Variants in INPP4B observed in about 807,000 individuals in gnomAD.
INPP4B encodes the protein inositol polyphosphate 4-phosphatase type II.
In INPP4B, 55 loss-of-function variants were observed where a neutral mutation model predicts 122.5. The observed-to-expected ratio is 0.45, with a 90% confidence interval of 0.36 to 0.56. The LOEUF (loss-of-function observed/expected upper bound fraction) is 0.56. Among genes scored for constraint, INPP4B ranks in the 20% least tolerant of loss-of-function variants. The pLI is 0.00. For missense variants in INPP4B, 1,000 were observed against 1,097.7 expected (o/e 0.91, Z 1.26); for synonymous variants, 403 against 388.7 (o/e 1.04, Z -0.43).
At chr4:142,199,031 A>T (rs1839596870) in intron 14 of INPP4B, among the ~76,000 whole-genome samples, 1 of 152,028 alleles carries the variant, frequency 6.6e-6, no homozygotes, top group Non-Finnish European at 1.5e-5. Flanking sequence ...ATAGTCCTAA[A>T]TTCATATCTT....
In INPP4B at chr4:142,241,230, A is replaced by T. The variant is rs1859227934; in HGVS notation, c.689-3219T>A. 2.0e-5 allele frequency among the ~76,000 whole-genome samples: 3 copies of T among 149,460 alleles called. No individual in the cohort carries two copies. In the South Asian group the frequency reaches 6.4e-4, roughly 32 times the overall value. Reference sequence around the variant, plus strand: ...GAGCCCTGTGTGTATTCTCATCTTCATTTTTTTTTTACTGCTTTTGCCATA... The same window carrying T: ...GAGCCCTGTGTGTATTCTCATCTTCTTTTTTTTTTTACTGCTTTTGCCATA... On this transcript the variant is annotated intron_variant, in intron 11 of 25. Coordinates refer to ENST00000262992, the MANE Select transcript of INPP4B (RefSeq NM_001101669.3).
chr4:142,479,185 T>C (rs1820179470), intron 2 of INPP4B, among the ~76,000 whole-genome samples: 1 of 152,176 alleles, frequency 6.6e-6, no homozygotes, highest in Non-Finnish European at 1.5e-5. Context: ...AAAGAAGTCA[T>C]ACCTGTGGCC....
At chr4:142,260,023 T>C (rs2150374339) in intron 11 of INPP4B, among the ~76,000 whole-genome samples, 1 of 152,306 alleles carries the variant, frequency 6.6e-6, no homozygotes, top group East Asian at 1.9e-4. Context: ...TATCACTCTG[T>C]CTCCAAGCTG....
At chr4:142,697,154 T>C (rs898674979) in intron 2 of INPP4B, among the ~76,000 whole-genome samples, 1 of 152,228 alleles carries the variant, frequency 6.6e-6, no homozygotes, top group Non-Finnish European at 1.5e-5. Flanking sequence ...TTACCTGTTG[T>C]ACAATGCTTC....
intron 17 of INPP4B, among the ~76,000 whole-genome samples, chr4:142,153,445 A>G (rs995659457): frequency 2.0e-5 from 3 of 152,210 alleles, no homozygotes; most frequent in Non-Finnish European, 2.9e-5. Context: ...ACTTGATTTG[A>G]ATGTAATAAT....
chr4:142,364,721 C>G (rs1288698381), intron 7 of INPP4B, among the ~76,000 whole-genome samples: 1 of 152,026 alleles, frequency 6.6e-6, no homozygotes, highest in Non-Finnish European at 1.5e-5. Context: ...GGCACACAAT[C>G]CATGTGTGCC....
chr4:142,594,014 T>C (rs889742889), intron 2 of INPP4B, among the ~76,000 whole-genome samples: 2 of 152,180 alleles, frequency 1.3e-5, no homozygotes, highest in African/African-American at 4.8e-5. Context: ...TAGTATACAT[T>C]TTATTGGTAT....
Position 142,463,237 on chromosome 4 carries a change from T to C in INPP4B, c.-190-511A>G, listed in dbSNP as rs61243037. Among the ~76,000 whole-genome samples the C allele has an allele frequency of 4.4e-3, 677 of 152,322 alleles. 7 individuals are homozygous for C. Among genetic ancestry groups the C allele is most frequent in the African/African-American group, 0.015 (621 of 41,570 alleles). On this transcript the variant is annotated intron_variant, in intron 2 of 25. Coordinates refer to ENST00000262992, the MANE Select transcript of INPP4B (RefSeq NM_001101669.3). ...TATGCTGTTTCAGTTGGATCAGATA[T>C]ATTTATTCTAAAATGTGATTTATGA...
At chr4:142,331,325 G>A (rs1774427294) in intron 7 of INPP4B, among the ~76,000 whole-genome samples, 1 of 152,204 alleles carries the variant, frequency 6.6e-6, no homozygotes, top group African/African-American at 2.4e-5. Flanking sequence ...TCCAGGGACA[G>A]TAGAGCAGGC....
intron 14 of INPP4B, among the ~76,000 whole-genome samples, chr4:142,206,135 A>G (rs1195839237): frequency 6.6e-6 from 1 of 152,144 alleles, no homozygotes; most frequent in Non-Finnish European, 1.5e-5. Flanking sequence ...TTACAAGGCA[A>G]AAGAGCTAAA....
At chr4:142,688,735 C>A (rs1181381956) in intron 2 of INPP4B, among the ~76,000 whole-genome samples, 1 of 152,162 alleles carries the variant, frequency 6.6e-6, no homozygotes, top group Non-Finnish European at 1.5e-5. Flanking sequence ...GTAGGACTAA[C>A]AAATTCGCCA....
chr4:142,742,188 G>C (rs1410078712), intron 1 of INPP4B, among the ~76,000 whole-genome samples: 1 of 151,782 alleles, frequency 6.6e-6, no homozygotes, highest in Non-Finnish European at 1.5e-5. Flanking sequence ...TGTCTCAAAA[G>C]TTTCATACTC....
chr4:142,602,654 C>A (rs1740292741), intron 2 of INPP4B, among the ~76,000 whole-genome samples: 1 of 152,050 alleles, frequency 6.6e-6, no homozygotes, highest in South Asian at 2.1e-4. Flanking sequence ...TGAATCAAAA[C>A]CACAATGAGA....
At chr4:142,429,041 A>G in intron 5 of INPP4B, 132 bp downstream of exon 5, 1 of 573,732 alleles carries the variant, frequency 1.7e-6, no homozygotes, top group South Asian at 2.4e-5. Flanking sequence ...ACCTTATAGA[A>G]CAATTTTAAA....
At chr4:142,158,360 T>C (rs187333872) in intron 17 of INPP4B, among the ~76,000 whole-genome samples, 33 of 152,210 alleles carry the variant, frequency 2.2e-4, no homozygotes, top group African/African-American at 6.0e-4. Flanking sequence ...TCTACAGCCC[T>C]GAATAGGCTG....
intron 2 of INPP4B, among the ~76,000 whole-genome samples, chr4:142,721,961 C>T (rs908440401): frequency 1.3e-5 from 2 of 152,100 alleles, no homozygotes; most frequent in Non-Finnish European, 2.9e-5. Context: ...CCTGGAGATT[C>T]AAGGAGCTCA....
chr4:142,386,345 G>A (rs995339211), intron 7 of INPP4B, among the ~76,000 whole-genome samples: 4 of 152,108 alleles, frequency 2.6e-5, no homozygotes, highest in Non-Finnish European at 5.9e-5. Flanking sequence ...GCTACAATGA[G>A]CATGGGAGTA....
chr4:142,770,836 A>T (rs951633304), intron 1 of INPP4B, among the ~76,000 whole-genome samples: 4 of 152,150 alleles, frequency 2.6e-5, no homozygotes, highest in Non-Finnish European at 5.9e-5. Flanking sequence ...TGTGATGTGC[A>T]TAGAGAGCTA....
intron 5 of INPP4B, among the ~76,000 whole-genome samples, chr4:142,410,597 T>G (rs1804396722): frequency 2.0e-5 from 3 of 152,162 alleles, no homozygotes; most frequent in Admixed American, 2.0e-4. Flanking sequence ...CATACCATAG[T>G]GTATGGAGGA....
Sources: allele counts gnomAD v4.1 joint callset (sites outside exome capture counted in the v4.1 genomes callset), GRCh38; gene constraint gnomAD v4.1.1; transcripts MANE v1.5; gene names NCBI Gene and HGNC (gene_info 2026-07-23, HGNC 2026-07-21).